SENP5: variants seen among roughly 807,000 people sequenced by gnomAD.
SENP5 encodes the protein SUMO specific peptidase 5, also known as sentrin-specific protease 5.
SENP5 carries 21 observed loss-of-function variants against 74.2 expected under a neutral mutation model. That is an observed-to-expected ratio of 0.28 (90% confidence interval 0.20 to 0.41). The LOEUF (loss-of-function observed/expected upper bound fraction) is 0.41. Ranked by LOEUF, SENP5 falls within the 10% of genes least tolerant of loss-of-function variation. The probability of loss-of-function intolerance (pLI) is 1.00; values close to 1 mark genes in which losing one functional copy is unlikely to be tolerated. For synonymous variants in SENP5, 311 were observed against 312.7 expected, an observed-to-expected ratio of 0.99 and a Z score of 0.06; for missense variants, 717 against 889.1, an observed-to-expected ratio of 0.81 and a Z score of 2.46.
intron 2 of SENP5, among the ~76,000 whole-genome samples, chr3:196,895,359 G>A (rs1034186844): frequency 6.7e-6 from 1 of 148,262 alleles, no homozygotes; most frequent in East Asian, 2.0e-4. Flanking sequence ...CTAATTTTTT[G>A]TATTTTTTAG....
At chr3:196,913,786 A>G (rs1715239627) in intron 6 of SENP5, 1 of 148,008 alleles carries the variant, frequency 6.8e-6, no homozygotes, top group African/African-American at 2.5e-5. Flanking sequence ...AGTAGCTGGG[A>G]TTACAGGTAC....
intron 9 of SENP5, among the ~76,000 whole-genome samples, chr3:196,930,019 A>G (rs1023371153): frequency 2.0e-5 from 3 of 152,006 alleles, no homozygotes; most frequent in Non-Finnish European, 2.9e-5. Context: ...TTGGCAAGCA[A>G]TCTGCAGGTC....
chr3:196,886,786 C>G (rs1713995685), intron 2 of SENP5, 92 bp downstream of exon 2: 1 of 1,036,752 alleles, frequency 9.6e-7, no homozygotes, highest in Non-Finnish European at 1.4e-6. Context: ...TTTTCTCCCA[C>G]TCATGAATAT....
chr3:196,897,512 T>G (rs1449184907), intron 2 of SENP5, among the ~76,000 whole-genome samples: 1 of 152,222 alleles, frequency 6.6e-6, no homozygotes, highest in African/African-American at 2.4e-5. Context: ...ATGTTAAGCC[T>G]TGAAAATTGA....
chr3:196,887,675 C>T lies in SENP5; in HGVS notation c.1513+981C>T, dbSNP rs187590258. ...TAAATGTCATAAGAATGGTCCCTCACGAAAGGTAAAAGCCTTCAGTACCCC... is the reference window on the plus strand; with the variant it reads ...TAAATGTCATAAGAATGGTCCCTCATGAAAGGTAAAAGCCTTCAGTACCCC... On this transcript the variant is annotated intron_variant, in intron 2 of 9. Transcript: ENST00000323460. Among the ~76,000 whole-genome samples the T allele has an allele frequency of 1.6e-3, 242 of 152,160 alleles. 2 individuals are homozygous for T. The highest frequency in any genetic ancestry group is 1.7e-3 in the Non-Finnish European group (118 of 68,002).
intron 6 of SENP5, among the ~76,000 whole-genome samples, chr3:196,912,207 T>G (rs1715162844): frequency 6.6e-6 from 1 of 152,144 alleles, no homozygotes; most frequent in African/African-American, 2.4e-5. Context: ...ATAAAGAGAA[T>G]GTGGTACATA....
At position 196,932,615 on chromosome 3, in the gene SENP5, G is replaced by C. The variant is rs1034951884; in HGVS notation, c.*1692G>C. 6.6e-6 allele frequency: 1 copy of C among 151,692 alleles called. No homozygotes were observed. The highest frequency in any genetic ancestry group is 2.4e-5 in the African/African-American group (1 of 41,280). The allele number at this position is 151,692 out of a possible 1,614,324, so 9.4% of individuals were successfully genotyped here. A position where few individuals can be genotyped will look rare whatever the true frequency, so the allele number is the denominator to read the frequency against. ...TTTATGCTGCTATAGGTGGGGTTCT[G>C]TCAGCGTTAGGAAAAAATGACAGTT... is the stretch of plus-strand genomic sequence containing the variant. On this transcript the variant is annotated 3_prime_UTR_variant, in exon 10 of 10. Transcript: ENST00000323460.
intron 1 of SENP5, among the ~76,000 whole-genome samples, chr3:196,874,148 T>TAAA (rs1200307574): frequency 1.9e-4 from 26 of 136,718 alleles, no homozygotes; most frequent in African/African-American, 7.2e-4. Context: ...CTTTTTTTTT[T>TAAA]AAAAAAAAAA....
chr3:196,889,783 G>C (rs1240203056), intron 2 of SENP5, among the ~76,000 whole-genome samples: 1 of 152,210 alleles, frequency 6.6e-6, no homozygotes, highest in Non-Finnish European at 1.5e-5. Context: ...AAAAAGTAGA[G>C]GGAAGGTCCA....
chr3:196,893,000 T>C (rs1006001444), intron 2 of SENP5, among the ~76,000 whole-genome samples: 1 of 152,220 alleles, frequency 6.6e-6, no homozygotes, highest in Non-Finnish European at 1.5e-5. Context: ...GCAGTGAGTA[T>C]GGGGTGCAGG....
chr3:196,913,530 C>T (rs1253264069), intron 6 of SENP5, among the ~76,000 whole-genome samples: 1 of 147,400 alleles, frequency 6.8e-6, no homozygotes, highest in Non-Finnish European at 1.5e-5. Context: ...GATCATGCCA[C>T]TGCACTCCAG....
chr3:196,925,994 T>C (rs1482548832), intron 7 of SENP5, among the ~76,000 whole-genome samples: 1 of 152,178 alleles, frequency 6.6e-6, no homozygotes, highest in Non-Finnish European at 1.5e-5. Flanking sequence ...CTAAGGGGCC[T>C]GTATTTCCAA....
chr3:196,923,124 G>A (rs1199752124), intron 6 of SENP5, among the ~76,000 whole-genome samples: 2 of 152,210 alleles, frequency 1.3e-5, no homozygotes, highest in African/African-American at 4.8e-5. Flanking sequence ...ATGTATATGA[G>A]AAAATGAGGT....
chr3:196,918,540 C>G (rs1715480560), intron 6 of SENP5, among the ~76,000 whole-genome samples: 1 of 151,156 alleles, frequency 6.6e-6, no homozygotes, highest in African/African-American at 2.4e-5. Context: ...AAATGAAAAG[C>G]AAGAAATAAA....
chr3:196,887,997 A>G (rs1714048031), intron 2 of SENP5, among the ~76,000 whole-genome samples: 1 of 152,062 alleles, frequency 6.6e-6, no homozygotes. Flanking sequence ...CGAACTCCTG[A>G]GCTCAGGCAA....
chr3:196,923,799 C>T (rs957788024), intron 7 of SENP5, among the ~76,000 whole-genome samples: 2 of 152,206 alleles, frequency 1.3e-5, no homozygotes, highest in African/African-American at 4.8e-5. Context: ...AAAACTACAT[C>T]TTGAATGTGG....
rs552711259 is a variant in SENP5 at position 196,886,446 on chromosome 3, T to G, written c.1265T>G (p.Val422Gly). ...TCAGTGTCTGGAGCAGATACATCTG[T>G]GAGTAGCGTAGATGGGCCTGTGTCC... ...KLSVSGADTS[V>G]SSVDGPVSQK... Residue 422 changes from valine (V) to glycine (G), a missense_variant, in exon 2 of 10, where the codon GTG becomes GGG. By Grantham distance (109) the Val-to-Gly change is moderately radical. Around this residue, in one of 4 missense-constraint regions of SENP5, gnomAD observed 567 missense variants for 577.4 expected, o/e 0.98. Transcript: ENST00000323460. The G allele has an allele frequency of 2.5e-5, 40 of 1,610,108 alleles. No homozygotes were observed. The Admixed American group carries it at 6.5e-4, about 26-fold the overall frequency.
At chr3:196,912,792 T>C (rs1489919909) in intron 6 of SENP5, 1 of 151,794 alleles carries the variant, frequency 6.6e-6, no homozygotes, top group African/African-American at 2.4e-5. Flanking sequence ...GAGGATTGCT[T>C]GAGCCCAGGA....
chr3:196,873,096 C>T (rs562274025), intron 1 of SENP5, among the ~76,000 whole-genome samples: 25 of 124,202 alleles, frequency 2.0e-4, no homozygotes, highest in Admixed American at 1.8e-3. Flanking sequence ...TTTTTGGAGA[C>T]GGAGTCTCGC....
Sources: gnomAD v4.1 joint callset for allele counts (sites outside exome capture counted in the v4.1 genomes callset) on GRCh38, gnomAD v4.1.1 for gene constraint, gnomAD v4.1.1 regional missense constraint, MANE v1.5 for transcripts, NCBI Gene and HGNC (gene_info 2026-07-23, HGNC 2026-07-21) for gene names.